The following NLRP13 variants were observed in gnomAD, a reference collection of about 807,000 sequenced individuals.
NLRP13 encodes the protein NACHT, LRR and PYD domains-containing protein 13.
Under a neutral mutation model 94.4 loss-of-function variants are expected in NLRP13, and 82 were observed. The observed-to-expected ratio is 0.87, with a 90% confidence interval of 0.73 to 1.04. NLRP13 has a LOEUF of 1.04. Ranked by LOEUF, NLRP13 falls within the 50% of genes least tolerant of loss-of-function variation. The pLI is 0.00. For missense variants in NLRP13, 1,426 were observed against 1,230.8 expected, an observed-to-expected ratio of 1.16 and a Z score of -2.37; for synonymous variants, 553 against 464.7, an observed-to-expected ratio of 1.19 and a Z score of -2.45.
chr19:55,906,199 ATGG>A (rs1986340671), intron 7 of NLRP13, among the ~76,000 whole-genome samples: 2 of 151,772 alleles, frequency 1.3e-5, no homozygotes, highest in Admixed American at 6.6e-5. Context: ...TTAGCTAGGG[ATGG>A]TGGTGTGTGA....
chr19:55,903,036 T>C (rs1376894506), intron 8 of NLRP13, among the ~76,000 whole-genome samples: 1 of 151,490 alleles, frequency 6.6e-6, no homozygotes, highest in East Asian at 1.9e-4. Flanking sequence ...ACAACCTATA[T>C]GTATATGATG....
chr19:55,891,998 G>C (rs1018169592), downstream of NLRP13: 11 of 869,596 alleles, frequency 1.3e-5, no homozygotes, highest in Admixed American at 1.7e-4. Flanking sequence ...CTAATCCGTG[G>C]GATCACCACC....
At chr19:55,931,917 A>G in intron 1 of NLRP13, 76 bp downstream of exon 1, 2 of 1,363,040 alleles carry the variant, frequency 1.5e-6, no homozygotes, top group African/African-American at 1.4e-5. Context: ...GAATGACCCC[A>G]CAAAAACCCA....
Position 55,896,056 on chromosome 19 carries a change from A to C in NLRP13, c.3021T>G (p.Ser1007Arg). 6.2e-7 allele frequency: 1 copy of C among 1,614,184 alleles called. No individual in the cohort carries two copies. Among genetic ancestry groups the C allele is most frequent in the Non-Finnish European group, 8.5e-7 (1 of 1,180,020 alleles). Residue 1007 changes from serine to arginine, a missense_variant, in exon 11 of 11, where the codon AGT becomes AGG. Physicochemically the swap from Ser to Arg is moderately radical, Grantham distance 110. Coordinates refer to ENST00000342929, the MANE Select transcript of NLRP13 (RefSeq NM_176810.2). ...CQHLFSVLSS[S>R]KSLVNLNLLG... is the part of the protein sequence containing the mutation. Reference sequence around the variant, plus strand: ...GAAGGTTCAGATTGACCAGGCTCTTACTGCTGCTGAGAACAGAGAAGAGAT... The same window carrying C: ...GAAGGTTCAGATTGACCAGGCTCTTCCTGCTGCTGAGAACAGAGAAGAGAT...
chr19:55,892,593 G>C (rs146423365), downstream of NLRP13, among the ~76,000 whole-genome samples: 2 of 151,984 alleles, frequency 1.3e-5, no homozygotes, highest in African/African-American at 2.4e-5. Flanking sequence ...GCTAATTTTT[G>C]TATTTTTAGT....
At chr19:55,924,833 A>C (rs1986928928) in intron 2 of NLRP13, 134 bp downstream of exon 2, 1 of 853,432 alleles carries the variant, frequency 1.2e-6, no homozygotes, top group African/African-American at 1.7e-5. Context: ...ATACTGAAAG[A>C]ATTAGTTGGA....
intron 1 of NLRP13, among the ~76,000 whole-genome samples, chr19:55,931,709 C>CAAAA (rs374591965): frequency 3.5e-5 from 3 of 85,890 alleles, no homozygotes; most frequent in Admixed American, 1.4e-4. Context: ...GACTCAGGCT[C>CAAAA]AAAAAAAAAA....
At chr19:55,924,056 G>A in intron 3 of NLRP13, 77 bp from the exon 4 acceptor site, 1 of 1,111,816 alleles carries the variant, frequency 9.0e-7, no homozygotes, top group Non-Finnish European at 1.4e-6. Context: ...ACTCTCAGTA[G>A]AACCAACTCT....
chr19:55,901,346 C>T (rs955922592), intron 9 of NLRP13, among the ~76,000 whole-genome samples: 1 of 152,196 alleles, frequency 6.6e-6, no homozygotes, highest in Admixed American at 6.5e-5. Context: ...ACAATCTCAA[C>T]TAGACCTGAT....
chr19:55,900,054 C>A (rs1468407058), intron 9 of NLRP13, among the ~76,000 whole-genome samples: 1 of 150,482 alleles, frequency 6.6e-6, no homozygotes, highest in Non-Finnish European at 1.5e-5. Context: ...CAAATATTGT[C>A]ACCACAAAAA....
At chr19:55,929,220 T>C (rs562618506) in intron 1 of NLRP13, among the ~76,000 whole-genome samples, 29 of 152,310 alleles carry the variant, frequency 1.9e-4, no homozygotes, top group Non-Finnish European at 3.8e-4. Flanking sequence ...AGTGTGGCGA[T>C]TCCTCAAGGA....
In NLRP13 at chr19:55,932,163, C is replaced by A; in HGVS notation, c.149G>T (p.Gly50Val). 1 of 1,614,092 alleles carries A rather than the reference C, an allele frequency of 6.2e-7. No individual in the cohort carries two copies. Among genetic ancestry groups the A allele is most frequent in the Non-Finnish European group, 8.5e-7 (1 of 1,180,002 alleles). Residue 50 changes from glycine to valine, a missense_variant, in exon 1 of 11, where the codon GGG becomes GTG. Physicochemically the swap from Gly to Val is moderately radical, Grantham distance 109. Transcript: ENST00000342929. ...TGCCCAGGGGATACGCGGGAAGTGC[C>A]CCTGGGGGGCCGACCAGAAGTCCAT... ...QLMDFWSAPQ[G>V]HFPRIPWANL...
At chr19:55,910,882 C>T in intron 5 of NLRP13, 149 bp from the exon 6 acceptor site, 1 of 627,966 alleles carries the variant, frequency 1.6e-6, no homozygotes. Flanking sequence ...GCCTGTAATC[C>T]CACCACTTTG....
Position 55,905,173 on chromosome 19 carries a change from C to T in NLRP13, c.2448-61G>A, listed in dbSNP as rs147545810. The T allele has an allele frequency of 7.0e-6, 11 of 1,565,444 alleles. No homozygotes were observed. The East Asian group carries it at 2.3e-4, about 32-fold the overall frequency. ...ATGATGCCCAGGTTCCTCTACCTTT[C>T]TCTCTCAACCCCTTAACCCCCGAGA... is the stretch of plus-strand genomic sequence containing the variant. On this transcript the variant is annotated intron_variant, in intron 7 of 10. Coordinates refer to ENST00000342929, the MANE Select transcript of NLRP13 (RefSeq NM_176810.2).
intron 5 of NLRP13, among the ~76,000 whole-genome samples, chr19:55,911,232 T>C (rs1243489470): frequency 6.6e-6 from 1 of 152,208 alleles, no homozygotes; most frequent in Non-Finnish European, 1.5e-5. Context: ...AGGTTATTTT[T>C]TATTTTGTTT....
chr19:55,906,210 T>C (rs2123114388), intron 7 of NLRP13, among the ~76,000 whole-genome samples: 1 of 151,590 alleles, frequency 6.6e-6, no homozygotes, highest in Non-Finnish European at 1.5e-5. Flanking sequence ...TGGTGGTGTG[T>C]GACTGTAATT....
chr19:55,895,958 T>G lies in NLRP13; in HGVS notation c.3119A>C (p.Gln1040Pro), dbSNP rs1985995498. The G allele has an allele frequency of 3.1e-6, 5 of 1,613,878 alleles. No homozygotes were observed. The African/African-American group carries it at 6.7e-5, about 22-fold the overall frequency. ...AGTCAGTGAGGTTTACCCGAGTTTC[T>G]GCAGCCTGCATGTCGACTTTTTCAA... ...KALKKSTCRL[Q>P]KLG Residue 1040 changes from glutamine (Q) to proline (P), a missense_variant, in exon 11 of 11, where the codon CAG becomes CCG. By Grantham distance (76) the Gln-to-Pro change is moderately conservative. Coordinates refer to ENST00000342929, the MANE Select transcript of NLRP13 (RefSeq NM_176810.2).
downstream of NLRP13, chr19:55,895,901 G>T: frequency 6.3e-7 from 1 of 1,592,900 alleles, no homozygotes; most frequent in East Asian, 2.2e-5. Flanking sequence ...AGTCAATCTA[G>T]CCTTGTCCCT....
chr19:55,894,043 CTTTTTTTTTTT>C (rs36039690), downstream of NLRP13, among the ~76,000 whole-genome samples: 3 of 112,930 alleles, frequency 2.7e-5, no homozygotes, highest in South Asian at 5.8e-4. Flanking sequence ...CATGCCCCAA[CTTTTTTTTTTT>C]TTTTTTTTTT....
Sources: allele counts gnomAD v4.1 joint callset (sites outside exome capture counted in the v4.1 genomes callset), GRCh38; gene constraint gnomAD v4.1.1; transcripts MANE v1.5; gene names NCBI Gene and HGNC (gene_info 2026-07-23, HGNC 2026-07-21).